PDE4D: variants seen among roughly 807,000 people sequenced by gnomAD.
The protein encoded by PDE4D is 3',5'-cyclic-AMP phosphodiesterase 4D.
PDE4D carries 24 observed loss-of-function variants against 87.4 expected under a neutral mutation model. The ratio of observed to expected loss-of-function variants is 0.27; its 90% confidence interval spans 0.20 to 0.39. PDE4D has a LOEUF of 0.39. PDE4D is among the 10% of genes least tolerant of loss of function. The probability of loss-of-function intolerance (pLI) is 1.00; values close to 1 mark genes in which losing one functional copy is unlikely to be tolerated. For synonymous variants in PDE4D, 384 were observed against 383.2 expected (o/e 1.00, Z -0.02); for missense variants, 714 against 1,041.0 (o/e 0.69, Z 4.32).
At chr5:59,424,130 G>C (rs1794876826) in intron 1 of PDE4D, among the ~76,000 whole-genome samples, 1 of 152,170 alleles carries the variant, frequency 6.6e-6, no homozygotes, top group East Asian at 1.9e-4. Flanking sequence ...AAGAAAAAAG[G>C]ACATGGGAGA....
At chr5:59,877,012 T>A (rs966642132) in intron 1 of PDE4D, among the ~76,000 whole-genome samples, 1 of 152,142 alleles carries the variant, frequency 6.6e-6, no homozygotes, top group African/African-American at 2.4e-5. Context: ...TATGAAAATA[T>A]ATATAAAATC....
chr5:59,388,672 C>T (rs1323385225), intron 1 of PDE4D, among the ~76,000 whole-genome samples: 1 of 148,516 alleles, frequency 6.7e-6, no homozygotes, highest in Admixed American at 6.7e-5. Flanking sequence ...TTCTACCCAG[C>T]CCTGAAAAAG....
Position 60,211,044 on chromosome 5 carries a change from G to A in PDE4D, c.-89-25357C>T, listed in dbSNP as rs141175471. Among the ~76,000 whole-genome samples, 1,404 of 152,280 alleles carry A rather than the reference G, an allele frequency of 9.2e-3. 10 individuals are homozygous for A. Among genetic ancestry groups the A allele is most frequent in the Non-Finnish European group, 0.014 (976 of 68,004 alleles). On this transcript the variant is annotated intron_variant, in intron 1 of 16. Coordinates refer to the PDE4D transcript ENST00000502484. The stretch of plus-strand genomic sequence containing the variant: ...GGACTGAGGGGCGCGACAGGAGCCG[G>A]CCAAGCCCCTCAGCCGCTTTCTCTC...
chr5:59,393,556 G>C (rs1582347614), intron 1 of PDE4D, among the ~76,000 whole-genome samples: 1 of 152,186 alleles, frequency 6.6e-6, no homozygotes, highest in Non-Finnish European at 1.5e-5. Flanking sequence ...TCACACCTGA[G>C]ATAATCTCAT....
chr5:60,343,254 A>C (rs1216801480), intron 1 of PDE4D, among the ~76,000 whole-genome samples: 3 of 152,164 alleles, frequency 2.0e-5, no homozygotes, highest in Non-Finnish European at 4.4e-5. Flanking sequence ...AAATGTAATC[A>C]ACGCAGGGTA....
intron 1 of PDE4D, among the ~76,000 whole-genome samples, chr5:60,505,875 T>C (rs1418600877): frequency 6.6e-6 from 1 of 152,220 alleles, no homozygotes; most frequent in Non-Finnish European, 1.5e-5. Context: ...ATCTAATACA[T>C]GTATCTCTTT....
At chr5:59,413,696 C>G (rs888476142) in intron 1 of PDE4D, among the ~76,000 whole-genome samples, 2 of 152,076 alleles carry the variant, frequency 1.3e-5, no homozygotes, top group African/African-American at 2.4e-5. Flanking sequence ...CATCAAACAG[C>G]TTTGGAAAAG....
At chr5:60,164,391 T>G (rs979664047) in intron 2 of PDE4D, among the ~76,000 whole-genome samples, 1 of 152,166 alleles carries the variant, frequency 6.6e-6, no homozygotes, top group East Asian at 1.9e-4. Context: ...ACTCCTTATG[T>G]TGCAAAAACC....
intron 2 of PDE4D, among the ~76,000 whole-genome samples, chr5:60,133,360 G>T (rs935243541): frequency 6.6e-6 from 1 of 151,778 alleles, no homozygotes; most frequent in African/African-American, 2.4e-5. Flanking sequence ...ACGGGGTCTC[G>T]TTCTGTTGTC....
chr5:60,330,197 TA>T (rs59185544), intron 1 of PDE4D, among the ~76,000 whole-genome samples: 8,367 of 152,282 alleles, frequency 0.055, 771 homozygotes, highest in African/African-American at 0.19. Context: ...AAAAAGTAGT[TA>T]ATGACTCAAT....
At chr5:60,022,843 C>A (rs1420637473) in intron 2 of PDE4D, 4 of 152,442 alleles carry the variant, frequency 2.6e-5, no homozygotes, top group East Asian at 1.9e-4. Flanking sequence ...TAAGGCATTT[C>A]TTTCTGTGCC....
intron 1 of PDE4D, among the ~76,000 whole-genome samples, chr5:59,283,508 T>C (rs1766252080): frequency 6.6e-6 from 1 of 152,168 alleles, no homozygotes; most frequent in Admixed American, 6.5e-5. Context: ...TTTTTGTGTG[T>C]TAAATAAAAA....
At chr5:59,372,259 A>C (rs1459342964) in intron 1 of PDE4D, among the ~76,000 whole-genome samples, 1 of 152,240 alleles carries the variant, frequency 6.6e-6, no homozygotes, top group Non-Finnish European at 1.5e-5. Flanking sequence ...TTTCATATAC[A>C]TAAACCAGCA....
intron 2 of PDE4D, among the ~76,000 whole-genome samples, chr5:60,036,211 G>A (rs1414232597): frequency 6.6e-6 from 1 of 152,180 alleles, no homozygotes; most frequent in Non-Finnish European, 1.5e-5. Context: ...AGGAAAATCA[G>A]CTACAAGTTC....
At chr5:59,820,029 A>C (rs1769450463) in intron 1 of PDE4D, among the ~76,000 whole-genome samples, 1 of 152,216 alleles carries the variant, frequency 6.6e-6, no homozygotes, top group African/African-American at 2.4e-5. Flanking sequence ...TTGGCCTGTC[A>C]GAAACACAAT....
At chr5:59,916,141 A>G (rs1210959775) in intron 3 of PDE4D, among the ~76,000 whole-genome samples, 3 of 152,160 alleles carry the variant, frequency 2.0e-5, no homozygotes, top group Non-Finnish European at 4.4e-5. Flanking sequence ...ACTTTTATAT[A>G]ATATTTGAAG....
intron 1 of PDE4D, among the ~76,000 whole-genome samples, chr5:59,808,202 G>A (rs1425656473): frequency 6.6e-6 from 1 of 152,170 alleles, no homozygotes; most frequent in African/African-American, 2.4e-5. Flanking sequence ...CTTCCAGTCT[G>A]ATTTTCCTCA....
intron 2 of PDE4D, among the ~76,000 whole-genome samples, chr5:60,067,188 C>T (rs985598446): frequency 6.6e-6 from 1 of 152,036 alleles, no homozygotes; most frequent in Non-Finnish European, 1.5e-5. Flanking sequence ...AGTTCTATAT[C>T]TTTCATTGTT....
chr5:58,996,010 C>T (rs953080663), intron 6 of PDE4D, among the ~76,000 whole-genome samples: 1 of 152,084 alleles, frequency 6.6e-6, no homozygotes, highest in Admixed American at 6.6e-5. Flanking sequence ...AAGCTGGAAA[C>T]CATCATTCTC....
Sources: gnomAD v4.1 joint callset for allele counts (sites outside exome capture counted in the v4.1 genomes callset) on GRCh38, gnomAD v4.1.1 for gene constraint, MANE v1.5 for transcripts, NCBI Gene and HGNC (gene_info 2026-07-23, HGNC 2026-07-21) for gene names.